Variants in ZNF423 observed in about 807,000 individuals in gnomAD.
ZNF423 encodes the protein zinc finger protein 423.
Under a neutral mutation model 95.8 loss-of-function variants are expected in ZNF423, and 12 were observed. That is an observed-to-expected ratio of 0.13 (90% CI 0.08 to 0.20). ZNF423 has a LOEUF of 0.20. Among genes scored for constraint, ZNF423 ranks in the 10% least tolerant of loss-of-function variants. The pLI is 1.00. For missense variants in ZNF423, 1,316 were observed against 1,737.1 expected, an observed-to-expected ratio of 0.76 and a Z score of 4.31; for synonymous variants, 749 against 711.9, an observed-to-expected ratio of 1.05 and a Z score of -0.83.
intron 5 of ZNF423, among the ~76,000 whole-genome samples, chr16:49,526,471 C>T (rs971006655): frequency 6.6e-6 from 1 of 152,160 alleles, no homozygotes; most frequent in Non-Finnish European, 1.5e-5. Context: ...AGGCTCAGAG[C>T]TCTGGTGCCC....
intron 1 of ZNF423, among the ~76,000 whole-genome samples, chr16:49,797,801 G>T (rs2034522062): frequency 6.6e-6 from 1 of 152,218 alleles, no homozygotes; most frequent in Non-Finnish European, 1.5e-5. Context: ...GCCCTGAAGT[G>T]AGAGTGAAAG....
intron 1 of ZNF423, among the ~76,000 whole-genome samples, chr16:49,849,074 G>A (rs2035275014): frequency 6.6e-6 from 1 of 152,186 alleles, no homozygotes; most frequent in South Asian, 2.1e-4. Context: ...TCAGTAGCAA[G>A]ATTTTGCACA....
rs1351493545 is a variant in ZNF423, at chr16:49,799,929, A to T, written c.41-10383T>A. Among the ~76,000 whole-genome samples, 9 of 152,268 alleles carry T rather than the reference A, an allele frequency of 5.9e-5. No homozygotes were observed. The East Asian group carries it at 1.4e-3, about 23-fold the overall frequency. The stretch of plus-strand genomic sequence containing the variant: ...CTCAGCCTCCTGCGTAGCTAGGACC[A>T]CAAGCACGCACCATTACTCCTGGTT... On this transcript the variant is annotated intron_variant, in intron 1 of 7. Transcript: ENST00000563137.
chr16:49,563,750 A>T (rs964534051), intron 5 of ZNF423, among the ~76,000 whole-genome samples: 1 of 151,876 alleles, frequency 6.6e-6, no homozygotes, highest in Admixed American at 6.6e-5. Context: ...ACCCCCTGAG[A>T]CCCCTCCCCA....
intron 7 of ZNF423, among the ~76,000 whole-genome samples, chr16:49,504,630 G>C (rs1019932125): frequency 5.3e-5 from 8 of 152,102 alleles, no homozygotes; most frequent in Non-Finnish European, 1.0e-4. Context: ...GTAAGAGAAA[G>C]GGTTGCTGCA....
In ZNF423 at chr16:49,492,220, C is replaced by T. The variant is rs910866584; in HGVS notation, c.3850-916G>A. On this transcript the variant is annotated intron_variant, in intron 7 of 7. Coordinates refer to ENST00000563137, the MANE Select transcript of ZNF423 (RefSeq NM_001379286.1). The surrounding 1 kb of genome is among the most constrained non-coding windows in gnomAD (Gnocchi z 4.2). ...AAATTCAGACCCATTTCATCAAAGCCTCAGGTGGTGCTCCACCTCATGACA... is the reference window on the plus strand; with the variant it reads ...AAATTCAGACCCATTTCATCAAAGCTTCAGGTGGTGCTCCACCTCATGACA... 1.3e-5 allele frequency among the ~76,000 whole-genome samples: 2 copies of T among 152,222 alleles called. No individual in the cohort carries two copies. The highest frequency in any genetic ancestry group is 4.8e-5 in the African/African-American group (2 of 41,460).
At chr16:49,685,413 G>A (rs1254541872) in intron 3 of ZNF423, among the ~76,000 whole-genome samples, 3 of 152,184 alleles carry the variant, frequency 2.0e-5, no homozygotes, top group Non-Finnish European at 2.9e-5. Context: ...GCAGCAGCCA[G>A]GGTCTAGTTC....
intron 3 of ZNF423, among the ~76,000 whole-genome samples, chr16:49,699,953 G>A (rs1394278547): frequency 6.6e-6 from 1 of 152,102 alleles, no homozygotes; most frequent in African/African-American, 2.4e-5. Flanking sequence ...CAGGGCCCCA[G>A]GCCAGGATAT....
intron 3 of ZNF423, among the ~76,000 whole-genome samples, chr16:49,656,798 GA>G (rs1353367177): frequency 2.6e-5 from 4 of 151,842 alleles, no homozygotes; most frequent in African/African-American, 9.7e-5. Flanking sequence ...TTGTCTCCAA[GA>G]AAAAAAATGA....
At chr16:49,809,390 C>T (rs1203919345) in intron 1 of ZNF423, among the ~76,000 whole-genome samples, 1 of 152,206 alleles carries the variant, frequency 6.6e-6, no homozygotes, top group Non-Finnish European at 1.5e-5. Flanking sequence ...CTGTGTGTCA[C>T]CCACACTGCT....
intron 5 of ZNF423, among the ~76,000 whole-genome samples, chr16:49,569,431 G>T (rs567214107): frequency 6.6e-6 from 1 of 152,300 alleles, no homozygotes; most frequent in South Asian, 2.1e-4. Context: ...TTCCTGAGTG[G>T]CAGCATGGCA....
chr16:49,612,984 T>C (rs529902504), intron 5 of ZNF423, among the ~76,000 whole-genome samples: 36 of 150,076 alleles, frequency 2.4e-4, no homozygotes, highest in African/African-American at 8.6e-4. Context: ...AATTAGGATG[T>C]TGAAAACTTT....
intron 5 of ZNF423, among the ~76,000 whole-genome samples, chr16:49,564,966 G>A (rs891352379): frequency 1.1e-4 from 17 of 152,040 alleles, no homozygotes; most frequent in African/African-American, 4.1e-4. Flanking sequence ...ATTAACAGCC[G>A]GCCACCTCAT....
intron 3 of ZNF423, among the ~76,000 whole-genome samples, chr16:49,656,282 G>A (rs892107676): frequency 1.3e-5 from 2 of 152,134 alleles, no homozygotes; most frequent in Non-Finnish European, 1.5e-5. Flanking sequence ...AGGCTGAGGC[G>A]GGTGGATCAC....
chr16:49,643,099 G>T (rs1272820995), intron 3 of ZNF423, among the ~76,000 whole-genome samples: 1 of 152,092 alleles, frequency 6.6e-6, no homozygotes, highest in Non-Finnish European at 1.5e-5. Context: ...GGGATTACAG[G>T]TGTGAGTCAC....
At chr16:49,507,793 GATA>G (rs1175747250) in intron 7 of ZNF423, among the ~76,000 whole-genome samples, 1 of 152,228 alleles carries the variant, frequency 6.6e-6, no homozygotes, top group Admixed American at 6.5e-5. Context: ...GCACCAATGA[GATA>G]ATAATTGCAA....
chr16:49,780,149 T>G (rs1380386048), intron 2 of ZNF423, among the ~76,000 whole-genome samples: 1 of 152,164 alleles, frequency 6.6e-6, no homozygotes. Flanking sequence ...CGTGTTCATT[T>G]CCACATGTCC....
chr16:49,787,099 CTAAG>C (rs1301619459), intron 2 of ZNF423, among the ~76,000 whole-genome samples: 3 of 152,148 alleles, frequency 2.0e-5, no homozygotes, highest in Non-Finnish European at 4.4e-5. Context: ...CTGGCATGCA[CTAAG>C]TAAGTGCTCA....
intron 2 of ZNF423, among the ~76,000 whole-genome samples, chr16:49,788,778 G>A (rs933930975): frequency 6.6e-6 from 1 of 152,236 alleles, no homozygotes. Context: ...TCACTGCCAA[G>A]AGAGGCCCTG....
Sources: gnomAD v4.1 joint callset for allele counts (sites outside exome capture counted in the v4.1 genomes callset) on GRCh38, gnomAD v4.1.1 for gene constraint, Gnocchi (gnomAD v3.1) non-coding constraint, MANE v1.5 for transcripts, NCBI Gene and HGNC (gene_info 2026-07-23, HGNC 2026-07-21) for gene names.